Variants in XPO1 observed in about 807,000 individuals in gnomAD.
XPO1 encodes exportin 1, also known as exportin-1.
In XPO1, 5 loss-of-function variants were observed where a neutral mutation model predicts 133.3. The observed-to-expected ratio is 0.04, with a 90% CI of 0.02 to 0.08. The LOEUF (loss-of-function observed/expected upper bound fraction) is 0.08, where lower values mean the gene tolerates loss of function less well. Among genes scored for constraint, XPO1 ranks in the 10% least tolerant of loss-of-function variants. XPO1 has a pLI of 1.00. For missense variants in XPO1, 506 were observed against 1,267.5 expected (o/e 0.40, Z 9.12); for synonymous variants, 419 against 408.2 (o/e 1.03, Z -0.32).
At position 61,494,107 on chromosome 2, in the gene XPO1, A is replaced by G. The variant is rs781055461; in HGVS notation, c.1048-16T>C. ...AATGAAGGGCCTACACAGAAGACCA[A>G]AACTGTTAAAATAATTCTTAAACAT... On this transcript the variant is annotated splice_polypyrimidine_tract_variant and intron_variant, in intron 11 of 24. Coordinates refer to ENST00000401558, the MANE Select transcript of XPO1 (RefSeq NM_003400.4). The G allele has an allele frequency of 1.6e-5, 25 of 1,600,006 alleles. No homozygotes were observed. The Admixed American group carries it at 4.0e-4, about 26-fold the overall frequency.
chr2:61,491,455 AACAAAC>A (rs755588140), intron 16 of XPO1, among the ~76,000 whole-genome samples: 1 of 91,308 alleles, frequency 1.1e-5, no homozygotes, highest in African/African-American at 4.6e-5. Flanking sequence ...CATCTCAAAA[AACAAAC>A]ACACACACAC....
At chr2:61,499,422 A>T (rs1384861600) in intron 7 of XPO1, among the ~76,000 whole-genome samples, 2 of 152,222 alleles carry the variant, frequency 1.3e-5, no homozygotes, top group South Asian at 2.1e-4. Flanking sequence ...AAAATAAAAT[A>T]AAATAACTAA....
At chr2:61,516,052 G>A (rs1386072021) in intron 4 of XPO1, among the ~76,000 whole-genome samples, 1 of 151,346 alleles carries the variant, frequency 6.6e-6, no homozygotes, top group Non-Finnish European at 1.5e-5. Flanking sequence ...TGTGAACCCA[G>A]GAGGCTGAGC....
At chr2:61,521,120 C>T (rs1397583240) in intron 4 of XPO1, among the ~76,000 whole-genome samples, 1 of 152,120 alleles carries the variant, frequency 6.6e-6, no homozygotes, top group Non-Finnish European at 1.5e-5. Flanking sequence ...ATTATTTGCT[C>T]CTGCACTATC....
At chr2:61,491,862 T>C (rs533920871) in intron 16 of XPO1, among the ~76,000 whole-genome samples, 173 bp downstream of exon 16, 2 of 152,306 alleles carry the variant, frequency 1.3e-5, no homozygotes, top group African/African-American at 4.8e-5. Context: ...ATTGTGCCAC[T>C]GCACTCAAGC....
At chr2:61,536,786 G>C (rs1342905037) in intron 1 of XPO1, 1 of 152,306 alleles carries the variant, frequency 6.6e-6, no homozygotes, top group Admixed American at 6.6e-5. Context: ...GCATGGCCTC[G>C]GCGTGATCAG....
chr2:61,497,159 G>T, intron 9 of XPO1, 152 bp from the exon 10 acceptor site: 1 of 1,040,062 alleles, frequency 9.6e-7, no homozygotes, highest in Non-Finnish European at 1.3e-6. Flanking sequence ...TTATCATGCA[G>T]ATATACTGAG....
chr2:61,482,031 GGCCTTTTTTTTTTTTTTTTTTTTTTT>G (rs2104271140), intron 23 of XPO1, among the ~76,000 whole-genome samples: 1 of 22,670 alleles, frequency 4.4e-5, no homozygotes, highest in South Asian at 1.2e-3. Flanking sequence ...CACCGTGCGT[GGCCTTTTTTTTTTTTTTTTTTTTTTT>G]GCTTTTTTAA....
At chr2:61,482,568 C>A (rs2104289657) in intron 22 of XPO1, 29 bp from the exon 23 acceptor site, 3 of 1,509,748 alleles carry the variant, frequency 2.0e-6, no homozygotes, top group South Asian at 1.2e-5. Context: ...TTATTAACTC[C>A]AAAATGTAAT....
At chr2:61,530,831 CA>C (rs528408506) in intron 2 of XPO1, among the ~76,000 whole-genome samples, 25 of 149,438 alleles carry the variant, frequency 1.7e-4, no homozygotes, top group East Asian at 3.9e-4. Flanking sequence ...TTATGAGTAG[CA>C]AAAAAAAAAT....
At chr2:61,529,339 CT>C (rs1426254524) in intron 2 of XPO1, among the ~76,000 whole-genome samples, 4 of 152,254 alleles carry the variant, frequency 2.6e-5, no homozygotes, top group Admixed American at 6.5e-5. Flanking sequence ...TTTAGCTTGG[CT>C]TTTATTCTAG....
chr2:61,537,526 G>A (rs904973349), intron 1 of XPO1, 36 bp downstream of exon 1: 1 of 146,834 alleles, frequency 6.8e-6, no homozygotes, highest in African/African-American at 2.5e-5. Context: ...CCGCGCCGCC[G>A]CCCGACCCTC....
intron 11 of XPO1, chr2:61,494,502 A>G (rs1438211291): frequency 6.1e-6 from 1 of 163,450 alleles, no homozygotes; most frequent in Non-Finnish European, 1.3e-5. Flanking sequence ...AACATGGAAG[A>G]ACATTGAAAA....
chr2:61,527,345 G>C, intron 2 of XPO1, among the ~76,000 whole-genome samples: 1 of 142,280 alleles, frequency 7.0e-6, no homozygotes, highest in Non-Finnish European at 1.5e-5. Flanking sequence ...AAAGAAAGCT[G>C]CACATGGTGG....
intron 4 of XPO1, among the ~76,000 whole-genome samples, chr2:61,506,377 CG>C: frequency 6.6e-6 from 1 of 152,240 alleles, no homozygotes; most frequent in East Asian, 1.9e-4. Flanking sequence ...GAGCTGAGAT[CG>C]CGCCACTGCA....
chr2:61,497,123 A>G (rs567866514), intron 9 of XPO1, 116 bp from the exon 10 acceptor site: 1 of 1,300,424 alleles, frequency 7.7e-7, no homozygotes, highest in African/African-American at 1.5e-5. Context: ...TAGATGTCAA[A>G]AACAGGCCAA....
chr2:61,527,900 G>A (rs138172212), intron 2 of XPO1, among the ~76,000 whole-genome samples: 1 of 151,296 alleles, frequency 6.6e-6, no homozygotes, highest in Non-Finnish European at 1.5e-5. Flanking sequence ...TTTCCCTAGT[G>A]CCATTTCCTT....
At chr2:61,512,406 A>C (rs918105240) in intron 4 of XPO1, among the ~76,000 whole-genome samples, 14 of 152,166 alleles carry the variant, frequency 9.2e-5, no homozygotes, top group African/African-American at 3.4e-4. Context: ...AAAAGACTAA[A>C]CACCACACAT....
intron 2 of XPO1, among the ~76,000 whole-genome samples, chr2:61,532,516 A>G (rs1699200962): frequency 6.6e-6 from 1 of 152,060 alleles, no homozygotes; most frequent in African/African-American, 2.4e-5. Flanking sequence ...CTAACCAGAA[A>G]TCTACTGTTC....
Sources: allele counts gnomAD v4.1 joint callset (sites outside exome capture counted in the v4.1 genomes callset), GRCh38; gene constraint gnomAD v4.1.1; transcripts MANE v1.5; gene names NCBI Gene and HGNC (gene_info 2026-07-23, HGNC 2026-07-21).